The following GNG7 variants were observed in gnomAD, a reference collection of about 807,000 sequenced individuals.
GNG7 encodes the protein G protein subunit gamma 7.
A neutral mutation model predicts 4.0 loss-of-function variants in GNG7; 1 was observed. The ratio of observed to expected loss-of-function variants is 0.25; its 90% CI spans 0.09 to 1.18. The LOEUF (loss-of-function observed/expected upper bound fraction) is 1.18. GNG7 is among the 50% of genes most tolerant of loss of function. The pLI, the probability that GNG7 is intolerant of heterozygous loss-of-function variation, is 0.50. For missense variants in GNG7, 86 were observed against 91.9 expected, an observed-to-expected ratio of 0.94 and a Z score of 0.26; for synonymous variants, 34 against 36.9, an observed-to-expected ratio of 0.92 and a Z score of 0.29.
intron 2 of GNG7, chr19:2,610,338 ATTTT>A (rs1981522684): frequency 2.5e-5 from 2 of 79,988 alleles, no homozygotes; most frequent in South Asian, 8.7e-4. Context: ...TTTTTTTTTA[ATTTT>A]TATTTATTTA....
intron 1 of GNG7, among the ~76,000 whole-genome samples, chr19:2,667,146 C>T (rs981290737): frequency 6.6e-6 from 1 of 151,830 alleles, no homozygotes; most frequent in Non-Finnish European, 1.5e-5. Flanking sequence ...ATGGTGAAAC[C>T]CAACCCGTCT....
At chr19:2,555,231 ATT>A (rs1979507325) in intron 2 of GNG7, 43 bp from the exon 3 acceptor site, 1 of 152,122 alleles carries the variant, frequency 6.6e-6, no homozygotes, top group African/African-American at 2.4e-5. Context: ...ATGGTTACAT[ATT>A]TTTTACTTAC....
chr19:2,619,272 G>GT (rs1024431488), intron 2 of GNG7, among the ~76,000 whole-genome samples: 2 of 152,278 alleles, frequency 1.3e-5, no homozygotes, highest in African/African-American at 4.8e-5. Flanking sequence ...CTGACTGTGT[G>GT]TTTTTGTAAA....
At chr19:2,676,186 C>T (rs1164323349) in intron 1 of GNG7, among the ~76,000 whole-genome samples, 1 of 152,198 alleles carries the variant, frequency 6.6e-6, no homozygotes, top group Non-Finnish European at 1.5e-5. Flanking sequence ...CGGGAACGGC[C>T]CTGCCCACAC....
rs577459883 is a variant in GNG7 at position 2,622,083 on chromosome 19, T to TC, written c.-78+24140_-78+24141insG. Among the ~76,000 whole-genome samples the TC allele has an allele frequency of 1.0e-3, 155 of 148,974 alleles. 1 individual carries two copies. The highest frequency in any genetic ancestry group is 3.7e-3 in the African/African-American group (146 of 38,994). ...CAAAACCCTCATCAACTTTTTTTTT[T>TC]TTTCTCTCTCTTTTGAGACGGAGTC... On this transcript the variant is annotated intron_variant, in intron 2 of 4. Transcript: ENST00000382159.
rs1979610888 is a variant in GNG7, at chr19:2,557,731, G to T, written c.-77-2543C>A. ...TGGGGCCACCTCACCTGCAGCCCCG[G>T]GTCAGCCTCAGAACCCACAGGACTT... is the stretch of plus-strand genomic sequence containing the variant. On this transcript the variant is annotated intron_variant, in intron 2 of 4. Transcript: ENST00000382159. This position sits in a 1 kb window ranked among gnomAD's most constrained non-coding sequence, Gnocchi z 5.1. 6.6e-6 allele frequency among the ~76,000 whole-genome samples: 1 copy of T among 152,102 alleles called. No homozygotes were observed. Among genetic ancestry groups the T allele is most frequent in the Non-Finnish European group, 1.5e-5 (1 of 68,028 alleles).
chr19:2,692,151 G>A (rs1014074807), intron 1 of GNG7, among the ~76,000 whole-genome samples: 2 of 152,202 alleles, frequency 1.3e-5, no homozygotes, highest in South Asian at 2.1e-4. Flanking sequence ...GCAGCCCCAG[G>A]CTCCTCCTAC....
chr19:2,588,481 C>T (rs1285299285), intron 2 of GNG7, among the ~76,000 whole-genome samples: 6 of 152,192 alleles, frequency 3.9e-5, no homozygotes, highest in African/African-American at 7.2e-5. Flanking sequence ...CGCACAGGGC[C>T]GGGCAGGGCG....
intron 3 of GNG7, among the ~76,000 whole-genome samples, chr19:2,525,327 G>C (rs952482199): frequency 6.6e-6 from 1 of 152,182 alleles, no homozygotes; most frequent in Non-Finnish European, 1.5e-5. Flanking sequence ...CCTGCAGGCA[G>C]GCAAGGCTCC....
intron 1 of GNG7, among the ~76,000 whole-genome samples, chr19:2,656,387 A>G (rs917479985): frequency 2.6e-4 from 39 of 152,254 alleles, no homozygotes; most frequent in African/African-American, 9.1e-4. Flanking sequence ...GCGGATCACA[A>G]GGTTAGGAGT....
intron 2 of GNG7, among the ~76,000 whole-genome samples, chr19:2,571,993 CCT>C (rs1247817104): frequency 6.6e-6 from 1 of 151,850 alleles, no homozygotes; most frequent in Non-Finnish European, 1.5e-5. Flanking sequence ...CCACATTGTC[CCT>C]CTCTCTTTGT....
In GNG7 at chr19:2,536,682, C is replaced by T. The variant is rs188308041; in HGVS notation, c.-37-15957G>A. 3.0e-3 allele frequency among the ~76,000 whole-genome samples: 459 copies of T among 152,210 alleles called. 13 individuals carry two copies. The highest frequency in any genetic ancestry group is 1.1e-3 in the Non-Finnish European group (73 of 68,024). On this transcript the variant is annotated intron_variant, in intron 3 of 4. Transcript: ENST00000382159. Reference sequence around the variant, plus strand: ...CCCGACAGGGAGGACTTTCTTGGGCCGGAGACCTGGTTCTGAGCACGTCCC... The same window carrying T: ...CCCGACAGGGAGGACTTTCTTGGGCTGGAGACCTGGTTCTGAGCACGTCCC...
chr19:2,548,491 A>AG (rs1292974199), intron 3 of GNG7, among the ~76,000 whole-genome samples: 1 of 146,380 alleles, frequency 6.8e-6, no homozygotes, highest in Non-Finnish European at 1.5e-5. Context: ...GAAAAAAAAA[A>AG]AAAAAAAAAA....
chr19:2,642,709 A>T lies in GNG7; in HGVS notation c.-78+3515T>A, dbSNP rs545335922. The T allele has an allele frequency of 6.2e-4, 274 of 439,706 alleles. 1 individual carries two copies. The highest frequency in any genetic ancestry group is 9.6e-4 in the Admixed American group (39 of 40,660). The allele number at this position is 439,706 out of a possible 1,614,324, so 27.2% of individuals were successfully genotyped here. A position where few individuals can be genotyped will look rare whatever the true frequency, so the allele number is the denominator to read the frequency against. On this transcript the variant is annotated intron_variant, in intron 2 of 4. Coordinates refer to ENST00000382159, the MANE Select transcript of GNG7 (RefSeq NM_052847.3). ...GGATATCGCTCTGTTGACCAGGCTG[A>T]TCTCAAACTCCTGGGCTCAAGCCAT...
chr19:2,522,501 G>A (rs1017521929), intron 3 of GNG7, among the ~76,000 whole-genome samples: 2 of 151,930 alleles, frequency 1.3e-5, no homozygotes, highest in South Asian at 2.1e-4. Flanking sequence ...CTGGCCGGGC[G>A]CGGTGGCTCA....
intron 2 of GNG7, among the ~76,000 whole-genome samples, chr19:2,564,019 G>A (rs1044876931): frequency 6.6e-6 from 1 of 152,144 alleles, no homozygotes; most frequent in Non-Finnish European, 1.5e-5. Context: ...ATCAAAGGAT[G>A]GTTAGCCAAT....
intron 2 of GNG7, chr19:2,642,908 G>C (rs1245239705): frequency 2.2e-6 from 1 of 451,282 alleles, no homozygotes; most frequent in Non-Finnish European, 4.4e-6. Context: ...CCTGCACCAT[G>C]TGCACCGGAA....
chr19:2,604,222 C>A (rs1375159774), intron 2 of GNG7, among the ~76,000 whole-genome samples: 3 of 152,014 alleles, frequency 2.0e-5, no homozygotes, highest in Non-Finnish European at 4.4e-5. Context: ...CGTCTCCCAG[C>A]ACTTTGGGAG....
chr19:2,592,994 G>A (rs1350191945), intron 2 of GNG7, among the ~76,000 whole-genome samples: 1 of 146,996 alleles, frequency 6.8e-6, no homozygotes, highest in Non-Finnish European at 1.5e-5. Context: ...GACGGAGGGA[G>A]GGGAAAGGAG....
Sources: allele counts gnomAD v4.1 joint callset (sites outside exome capture counted in the v4.1 genomes callset), GRCh38; gene constraint gnomAD v4.1.1; non-coding constraint Gnocchi (gnomAD v3.1); transcripts MANE v1.5; gene names NCBI Gene and HGNC (gene_info 2026-07-23, HGNC 2026-07-21).